MAPK10: variants seen among roughly 807,000 people sequenced by gnomAD.
MAPK10 encodes JNK3 alpha protein kinase.
Under a neutral mutation model 59.3 loss-of-function variants are expected in MAPK10, and 25 were observed. That is an observed-to-expected ratio of 0.42 (90% CI 0.31 to 0.59). The LOEUF (loss-of-function observed/expected upper bound fraction) is 0.59. Among genes scored for constraint, MAPK10 ranks in the 20% least tolerant of loss-of-function variants. MAPK10 has a pLI of 0.15. For synonymous variants in MAPK10, 190 were observed against 200.5 expected (o/e 0.95, Z 0.44); for missense variants, 351 against 568.9 (o/e 0.62, Z 3.90).
At chr4:86,479,285 C>A (rs576867805) in intron 1 of MAPK10, among the ~76,000 whole-genome samples, 8 of 152,154 alleles carry the variant, frequency 5.3e-5, no homozygotes, top group African/African-American at 1.7e-4. Flanking sequence ...TAAAACCACA[C>A]CTTACCAAGC....
chr4:86,413,667 C>G (rs1031778561), intron 1 of MAPK10, among the ~76,000 whole-genome samples: 2 of 152,194 alleles, frequency 1.3e-5, no homozygotes, highest in African/African-American at 2.4e-5. Context: ...GCAGGTTGAC[C>G]TCAGACTGCT....
At chr4:86,019,191 A>G (rs972755082) in intron 13 of MAPK10, among the ~76,000 whole-genome samples, 3 of 152,188 alleles carry the variant, frequency 2.0e-5, no homozygotes, top group African/African-American at 4.8e-5. Flanking sequence ...AACTTTTCAT[A>G]TATTTCTTCC....
At chr4:86,303,426 T>C (rs1248080539) in intron 2 of MAPK10, among the ~76,000 whole-genome samples, 2 of 152,096 alleles carry the variant, frequency 1.3e-5, no homozygotes, top group African/African-American at 2.4e-5. Flanking sequence ...GAAGAAGTGA[T>C]ATAAAGATGA....
intron 1 of MAPK10, among the ~76,000 whole-genome samples, chr4:86,585,217 C>T (rs1436470154): frequency 6.6e-6 from 1 of 152,118 alleles, no homozygotes; most frequent in Non-Finnish European, 1.5e-5. Flanking sequence ...TTTCCCCCTC[C>T]ACACTCCAAG....
intron 1 of MAPK10, among the ~76,000 whole-genome samples, chr4:86,426,282 C>T (rs946447574): frequency 3.3e-5 from 5 of 152,236 alleles, no homozygotes; most frequent in East Asian, 1.9e-4. Context: ...GATAATTGGT[C>T]TGCCACTATG....
intron 12 of MAPK10, among the ~76,000 whole-genome samples, chr4:86,030,909 A>G (rs2038878729): frequency 6.6e-6 from 1 of 152,244 alleles, no homozygotes; most frequent in Non-Finnish European, 1.5e-5. Flanking sequence ...TTTTCTATGT[A>G]AATTCTCAAG....
At chr4:86,053,450 A>G (rs141833157) in intron 11 of MAPK10, among the ~76,000 whole-genome samples, 12 of 152,278 alleles carry the variant, frequency 7.9e-5, no homozygotes, top group African/African-American at 2.6e-4. Flanking sequence ...GCAAATTACC[A>G]AAAGAGTTAT....
At chr4:86,072,718 C>A (rs1184560907) in intron 9 of MAPK10, among the ~76,000 whole-genome samples, 1 of 62,018 alleles carries the variant, frequency 1.6e-5, no homozygotes, top group Non-Finnish European at 3.0e-5. Flanking sequence ...TATATTGAAC[C>A]AGCCTTGCAT....
chr4:86,496,409 A>G (rs1266827061), intron 1 of MAPK10, among the ~76,000 whole-genome samples: 1 of 152,214 alleles, frequency 6.6e-6, no homozygotes, highest in Non-Finnish European at 1.5e-5. Context: ...TCAATATTAC[A>G]TATCATTTAT....
chr4:86,416,483 T>A (rs1040424459), intron 1 of MAPK10, among the ~76,000 whole-genome samples: 6 of 152,222 alleles, frequency 3.9e-5, no homozygotes, highest in African/African-American at 1.4e-4. Context: ...TGTTATTAGT[T>A]CATAAACACA....
chr4:86,509,470 A>C (rs192044926), intron 1 of MAPK10, among the ~76,000 whole-genome samples: 2,219 of 151,962 alleles, frequency 0.015, 21 homozygotes, highest in African/African-American at 0.034. Context: ...CCAAAAAAAA[A>C]AAACAAACAA....
intron 9 of MAPK10, among the ~76,000 whole-genome samples, chr4:86,073,356 A>C (rs577268867): frequency 3.4e-4 from 52 of 151,998 alleles, no homozygotes; most frequent in African/African-American, 1.2e-3. Flanking sequence ...TCCTGGATTC[A>C]CTGATCTTTT....
At chr4:86,168,992 C>A (rs1055673646) in intron 3 of MAPK10, among the ~76,000 whole-genome samples, 2 of 152,184 alleles carry the variant, frequency 1.3e-5, no homozygotes, top group Admixed American at 1.3e-4. Context: ...AACAGACCTG[C>A]AGCTGAGGGT....
At chr4:86,172,196 C>G (rs2074394618) in intron 3 of MAPK10, among the ~76,000 whole-genome samples, 1 of 140,690 alleles carries the variant, frequency 7.1e-6, no homozygotes, top group Admixed American at 6.8e-5. Context: ...ACTAGAAATA[C>G]CATTTGACCC....
At chr4:86,298,018 C>T (rs1181546715) in intron 2 of MAPK10, among the ~76,000 whole-genome samples, 1 of 152,166 alleles carries the variant, frequency 6.6e-6, no homozygotes, top group African/African-American at 2.4e-5. Flanking sequence ...TGCATTAGAG[C>T]CTTTGTCTGT....
At chr4:86,545,198 T>G (rs188375318) in intron 1 of MAPK10, among the ~76,000 whole-genome samples, 1 of 152,324 alleles carries the variant, frequency 6.6e-6, no homozygotes, top group African/African-American at 2.4e-5. Context: ...GATTTTGAAA[T>G]GAGTGCAAGG....
chr4:86,052,970 G>T (rs568060872), intron 11 of MAPK10, among the ~76,000 whole-genome samples: 28 of 152,210 alleles, frequency 1.8e-4, no homozygotes, highest in African/African-American at 6.5e-4. Context: ...ACAGGCCTGA[G>T]CCACTGTGCC....
At chr4:86,340,006 G>A (rs1723951684) in intron 2 of MAPK10, among the ~76,000 whole-genome samples, 1 of 152,168 alleles carries the variant, frequency 6.6e-6, no homozygotes, top group Non-Finnish European at 1.5e-5. Flanking sequence ...AAATGATAGA[G>A]TTAGAACTAA....
intron 9 of MAPK10, 136 bp from the exon 10 acceptor site, chr4:86,068,091 A>G (rs772659575): frequency 7.7e-6 from 4 of 520,448 alleles, no homozygotes; most frequent in Non-Finnish European, 1.3e-5. Context: ...GAATGAAAAT[A>G]TAAAATCAGA....
Sources: gnomAD v4.1 joint callset for allele counts (sites outside exome capture counted in the v4.1 genomes callset) on GRCh38, gnomAD v4.1.1 for gene constraint, MANE v1.5 for transcripts, NCBI Gene and HGNC (gene_info 2026-07-23, HGNC 2026-07-21) for gene names.